TTC34: variants seen among roughly 807,000 people sequenced by gnomAD.
The protein encoded by TTC34 is tetratricopeptide repeat protein 34.
Under a neutral mutation model 40.7 loss-of-function variants are expected in TTC34, and 44 were observed. That is an observed-to-expected ratio of 1.08 (90% CI 0.85 to 1.39). The LOEUF is 1.39. Among genes scored for constraint, TTC34 ranks in the 40% most tolerant of loss-of-function variants. TTC34 has a pLI of 0.00. For synonymous variants in TTC34, 422 were observed against 398.6 expected (o/e 1.06, Z -0.70); for missense variants, 884 against 838.0 (o/e 1.05, Z -0.68).
intron 6 of TTC34, among the ~76,000 whole-genome samples, chr1:2,650,993 A>G (rs1215810675): frequency 3.4e-5 from 5 of 147,826 alleles, no homozygotes; most frequent in Non-Finnish European, 7.5e-5. Context: ...CAAACCCCCA[A>G]TAAGCATCTG....
intron 6 of TTC34, among the ~76,000 whole-genome samples, chr1:2,769,558 A>G: frequency 9.8e-6 from 1 of 102,404 alleles, no homozygotes; most frequent in Non-Finnish European, 1.8e-5. Context: ...CCTCCAGGGG[A>G]GCATCTGACA....
chr1:2,776,231 G>A (rs1412213467), intron 6 of TTC34: 7 of 98,610 alleles, frequency 7.1e-5, no homozygotes, highest in Non-Finnish European at 1.1e-4. Flanking sequence ...TGAAAGCCTG[G>A]AATGGTAACC....
At chr1:2,654,816 C>A (rs28539872) in intron 6 of TTC34, among the ~76,000 whole-genome samples, 849 of 147,338 alleles carry the variant, frequency 5.8e-3, no homozygotes, top group African/African-American at 0.019. Context: ...ACCACACCCC[C>A]AGGCAAGCAT....
intron 6 of TTC34, among the ~76,000 whole-genome samples, chr1:2,686,555 C>A (rs1250387103): frequency 6.9e-6 from 1 of 145,692 alleles, no homozygotes; most frequent in Non-Finnish European, 1.5e-5. Context: ...TGGAACAGCA[C>A]GCACACACCC....
intron 6 of TTC34, among the ~76,000 whole-genome samples, chr1:2,755,722 C>A (rs1322634332): frequency 5.1e-5 from 2 of 38,856 alleles, no homozygotes; most frequent in African/African-American, 2.3e-4. Context: ...GAGCATCCGA[C>A]AGCCTGGAGC....
At chr1:2,800,318 G>T (rs1362728113) in exon 2 of TTC34, 1 of 398,478 alleles carries the variant, frequency 2.5e-6, no homozygotes, top group South Asian at 1.3e-4. Context: ...CTACCGTCCG[G>T]TCGGCGCTGG....
In TTC34 at chr1:2,767,924, C is replaced by T. The variant is rs1168028894; in HGVS notation, c.2226+15685G>A. 1.3e-5 allele frequency among the ~76,000 whole-genome samples: 2 copies of T among 150,186 alleles called. 1 individual carries two copies. The highest frequency in any genetic ancestry group is 3.0e-5 in the Non-Finnish European group (2 of 67,510). On this transcript the variant is annotated intron_variant, in intron 6 of 8. Transcript: ENST00000401095. ...CATCTGACAACCAGAACCTGCACCACACACCCCAAGGTGGGCATCCGATGG... is the reference window on the plus strand; with the variant it reads ...CATCTGACAACCAGAACCTGCACCATACACCCCAAGGTGGGCATCCGATGG...
chr1:2,654,330 C>CCCCCTG, intron 6 of TTC34, among the ~76,000 whole-genome samples: 1 of 43,338 alleles, frequency 2.3e-5, no homozygotes, highest in East Asian at 9.6e-4. Flanking sequence ...AGCACCCATA[C>CCCCCTG]GCTCAGATGA....
chr1:2,640,096 G>A (rs1638871973), exon 9 of TTC34: 1 of 152,468 alleles, frequency 6.6e-6, no homozygotes, highest in Non-Finnish European at 1.5e-5. Context: ...GCAGAGAAGG[G>A]GACAGAAATG....
intron 6 of TTC34, among the ~76,000 whole-genome samples, chr1:2,686,451 G>A (rs1476795202): frequency 1.4e-5 from 2 of 146,298 alleles, no homozygotes; most frequent in Admixed American, 6.8e-5. Context: ...CCCCAGGTGA[G>A]CATCTGACAG....
At chr1:2,773,026 G>A (rs1298657137) in intron 6 of TTC34, among the ~76,000 whole-genome samples, 3 of 150,494 alleles carry the variant, frequency 2.0e-5, no homozygotes, top group Non-Finnish European at 3.0e-5. Flanking sequence ...ACCCCCAGGC[G>A]AGCATCTGAC....
intron 6 of TTC34, among the ~76,000 whole-genome samples, chr1:2,656,357 C>A (rs1238830011): frequency 8.2e-5 from 12 of 146,246 alleles, no homozygotes; most frequent in African/African-American, 2.3e-4. Context: ...CATCTGACAG[C>A]CTGGAACAGC....
intron 6 of TTC34, among the ~76,000 whole-genome samples, chr1:2,649,350 C>T (rs563937627): frequency 4.5e-4 from 69 of 151,996 alleles, no homozygotes; most frequent in African/African-American, 1.1e-3. Context: ...CAGCCTAGAA[C>T]GGCACCCCCC....
intron 6 of TTC34, among the ~76,000 whole-genome samples, chr1:2,687,768 C>T (rs796238668): frequency 1.2e-4 from 9 of 73,396 alleles, no homozygotes; most frequent in African/African-American, 5.6e-4. Context: ...AACCCACACC[C>T]TGAGGCGAGC....
intron 6 of TTC34, among the ~76,000 whole-genome samples, chr1:2,771,563 A>G (rs1266593480): frequency 4.1e-5 from 1 of 24,374 alleles, no homozygotes; most frequent in Non-Finnish European, 6.6e-5. Flanking sequence ...AGCACACACA[A>G]CCCCAGGCGA....
intron 6 of TTC34, among the ~76,000 whole-genome samples, chr1:2,681,085 C>T (rs201446110): frequency 2.6e-5 from 2 of 77,162 alleles, no homozygotes; most frequent in East Asian, 6.0e-4. Flanking sequence ...CATCTGACAG[C>T]CTAGAGCAGT....
intron 6 of TTC34, among the ~76,000 whole-genome samples, chr1:2,653,764 C>G (rs984907893): frequency 1.2e-4 from 18 of 144,312 alleles, no homozygotes; most frequent in East Asian, 6.4e-4. Context: ...GGAGCAGCGC[C>G]CACACCCCCA....
chr1:2,797,483 C>T (rs1165727694), intron 2 of TTC34, among the ~76,000 whole-genome samples: 2 of 152,152 alleles, frequency 1.3e-5, no homozygotes, highest in Non-Finnish European at 2.9e-5. Flanking sequence ...AAACTGAGCT[C>T]CTCTCACCTC....
intron 6 of TTC34, among the ~76,000 whole-genome samples, chr1:2,779,170 C>T (rs1389271100): frequency 3.3e-5 from 5 of 152,188 alleles, no homozygotes; most frequent in Non-Finnish European, 5.9e-5. Context: ...ACCCATCCAT[C>T]GGTGGACACC....
Sources: allele counts gnomAD v4.1 joint callset (sites outside exome capture counted in the v4.1 genomes callset), GRCh38; gene constraint gnomAD v4.1.1; transcripts MANE v1.5; gene names NCBI Gene and HGNC (gene_info 2026-07-23, HGNC 2026-07-21).